The following SLC7A14 variants were observed in gnomAD, a reference collection of about 807,000 sequenced individuals.
SLC7A14 encodes the protein gamma-aminobutyric acid transporter SLC7A14.
Under a neutral mutation model 60.2 loss-of-function variants are expected in SLC7A14, and 37 were observed. That is an observed-to-expected ratio of 0.61 (90% CI 0.47 to 0.81). The LOEUF (loss-of-function observed/expected upper bound fraction) is 0.81, where lower values mean the gene tolerates loss of function less well. Among genes scored for constraint, SLC7A14 ranks in the 30% least tolerant of loss-of-function variants. The pLI, the probability that SLC7A14 is intolerant of heterozygous loss-of-function variation, is 0.00. For synonymous variants in SLC7A14, 399 were observed against 395.8 expected, an observed-to-expected ratio of 1.01 and a Z score of -0.10; for missense variants, 886 against 982.7, an observed-to-expected ratio of 0.90 and a Z score of 1.32.
chr3:170,554,123 A>T (rs1304241762), intron 1 of SLC7A14, among the ~76,000 whole-genome samples: 1 of 152,218 alleles, frequency 6.6e-6, no homozygotes, highest in Non-Finnish European at 1.5e-5. Context: ...AGAGCTAAAA[A>T]AGAAAAAAAA....
At position 170,463,741 on chromosome 3, in the gene SLC7A14, C is replaced by T. The variant is rs572822278; in HGVS notation, c.*3314G>A. 6.6e-6 allele frequency: 1 copy of T among 152,144 alleles called. No homozygotes were observed. 9.4% of individuals were successfully genotyped at this position (152,144 alleles called of 1,614,324 possible). On this transcript the variant is annotated 3_prime_UTR_variant, in exon 8 of 8. Coordinates refer to ENST00000231706, the MANE Select transcript of SLC7A14 (RefSeq NM_020949.3). ...ATCTGACTTACGATATCAATATCTG[C>T]CATAGTACATAATAGGCACTCCACA...
intron 2 of SLC7A14, among the ~76,000 whole-genome samples, chr3:170,526,229 C>T: frequency 6.6e-6 from 1 of 151,862 alleles, no homozygotes; most frequent in East Asian, 1.9e-4. Flanking sequence ...TGGTGAAACC[C>T]CGTCTCTACT....
intron 1 of SLC7A14, among the ~76,000 whole-genome samples, chr3:170,530,399 C>G (rs79209990): frequency 0.11 from 17,435 of 152,086 alleles, 1,206 homozygotes; most frequent in East Asian, 0.18. Context: ...CAACATATCT[C>G]CCTTTACAGA....
At position 170,462,232 on chromosome 3, in the gene SLC7A14, T is replaced by C. The variant is rs1289123370; in HGVS notation, c.*4823A>G. Reference sequence around the variant, plus strand: ...GACGGCAATTTTCTCCAGTCTTCTATGTGGATTTTCAACCTGATGTAGCTT... The same window carrying C: ...GACGGCAATTTTCTCCAGTCTTCTACGTGGATTTTCAACCTGATGTAGCTT... On this transcript the variant is annotated 3_prime_UTR_variant, in exon 8 of 8. Transcript: ENST00000231706. 6.6e-6 allele frequency: 1 copy of C among 152,212 alleles called. No individual in the cohort carries two copies. The highest frequency in any genetic ancestry group is 1.5e-5 in the Non-Finnish European group (1 of 68,036). The allele number at this position is 152,212 out of a possible 1,614,324, so 9.4% of individuals were successfully genotyped here. A position where few individuals can be genotyped will look rare whatever the true frequency, so the allele number is the denominator to read the frequency against.
intron 4 of SLC7A14, chr3:170,496,183 G>A: frequency 1.1e-6 from 1 of 902,734 alleles, no homozygotes; most frequent in Non-Finnish European, 1.9e-6. Flanking sequence ...ATGGACAACA[G>A]CCTCTCCCTG....
At chr3:170,550,501 T>C (rs1193525109) in intron 1 of SLC7A14, among the ~76,000 whole-genome samples, 1 of 141,530 alleles carries the variant, frequency 7.1e-6, no homozygotes, top group Non-Finnish European at 1.5e-5. Flanking sequence ...CCTAATGCCA[T>C]CTTTCCTTGA....
At position 170,585,619 on chromosome 3, in the gene SLC7A14, C is replaced by T. The variant is rs58011623; in HGVS notation, c.-153+292G>A. Among the ~76,000 whole-genome samples, 1,638 of 152,266 alleles carry T rather than the reference C, an allele frequency of 0.011. 98 individuals carry two copies. In the East Asian group the frequency reaches 0.2, roughly 18 times the overall value. ...CGCCGGAGCCGCGCTGGCCCCCGCC[C>T]CGCCCGGCAGCTCCCGCGAGTCAGA... On this transcript the variant is annotated intron_variant, in intron 1 of 7. Coordinates refer to ENST00000231706, the MANE Select transcript of SLC7A14 (RefSeq NM_020949.3). This position sits in a 1 kb window ranked among gnomAD's most constrained non-coding sequence, Gnocchi z 5.1.
intron 1 of SLC7A14, among the ~76,000 whole-genome samples, chr3:170,581,043 G>C (rs1715220958): frequency 6.6e-6 from 1 of 152,170 alleles, no homozygotes; most frequent in African/African-American, 2.4e-5. Context: ...ATGTTAGCCA[G>C]ATGCATAAGG....
chr3:170,482,368 C>A (rs1265146320), intron 6 of SLC7A14, among the ~76,000 whole-genome samples: 2 of 152,228 alleles, frequency 1.3e-5, no homozygotes, highest in South Asian at 2.1e-4. Flanking sequence ...CTAATCACAG[C>A]AGCTCTGATC....
At chr3:170,560,507 C>T (rs1714617511) in intron 1 of SLC7A14, among the ~76,000 whole-genome samples, 1 of 152,104 alleles carries the variant, frequency 6.6e-6, no homozygotes, top group Non-Finnish European at 1.5e-5. Context: ...CCTCATGAGT[C>T]ATCAGAGAGA....
rs779907642 is a variant in SLC7A14 at position 170,498,639 on chromosome 3, G to A, written c.759+28C>T. ...GGGTAGAAGGCAGAGTGTGTGACAGGCACACCAGGTGTTTGGAACAAACTT... is the reference window on the plus strand; with the variant it reads ...GGGTAGAAGGCAGAGTGTGTGACAGACACACCAGGTGTTTGGAACAAACTT... On this transcript the variant is annotated intron_variant, in intron 4 of 7. Coordinates refer to ENST00000231706, the MANE Select transcript of SLC7A14 (RefSeq NM_020949.3). 3 of 1,605,826 alleles carry A rather than the reference G, an allele frequency of 1.9e-6. No homozygotes were observed. The Admixed American group carries it at 5.0e-5, about 27-fold the overall frequency.
chr3:170,559,023 G>A (rs1213740524), intron 1 of SLC7A14, among the ~76,000 whole-genome samples: 2 of 152,048 alleles, frequency 1.3e-5, no homozygotes, highest in Non-Finnish European at 2.9e-5. Flanking sequence ...GGTTGATGTC[G>A]GAATCCAACT....
In SLC7A14 at chr3:170,551,685, T is replaced by C. The variant is rs1021682677; in HGVS notation, c.-152-24597A>G. The stretch of plus-strand genomic sequence containing the variant: ...AGCATCTTTATCGGCCATTTGTACA[T>C]ACCTTTGAAGAAATATCTATTCAAA... On this transcript the variant is annotated intron_variant, in intron 1 of 7. Transcript: ENST00000231706. Among the ~76,000 whole-genome samples, 5 of 152,240 alleles carry C rather than the reference T, an allele frequency of 3.3e-5. No individual in the cohort carries two copies. In the East Asian group the frequency reaches 7.7e-4, roughly 23 times the overall value.
Position 170,459,840 on chromosome 3 carries a change from A to G in SLC7A14, c.*7215T>C, listed in dbSNP as rs984607185. 2.6e-5 allele frequency: 4 copies of G among 152,068 alleles called. No individual in the cohort carries two copies. The highest frequency in any genetic ancestry group is 4.4e-5 in the Non-Finnish European group (3 of 68,002). 9.4% of individuals were successfully genotyped at this position (152,068 alleles called of 1,614,324 possible). A position where few individuals can be genotyped will look rare whatever the true frequency, so the allele number is the denominator to read the frequency against. On this transcript the variant is annotated 3_prime_UTR_variant, in exon 8 of 8. Coordinates refer to ENST00000231706, the MANE Select transcript of SLC7A14 (RefSeq NM_020949.3). ...GTGTAAAAGCTTTACATTACTATGG[A>G]TATTTTATAGTAAGACACTTTTGTT...
intron 1 of SLC7A14, among the ~76,000 whole-genome samples, chr3:170,569,713 T>G (rs889648716): frequency 1.4e-4 from 21 of 152,140 alleles, no homozygotes; most frequent in Middle Eastern, 3.2e-3. Context: ...ATTCAGAGAT[T>G]CAACTTCTTC....
At chr3:170,527,183 A>C (rs138670341) in intron 1 of SLC7A14, 95 bp from the exon 2 acceptor site, 1 of 548,010 alleles carries the variant, frequency 1.8e-6, no homozygotes, top group Non-Finnish European at 3.3e-6. Flanking sequence ...CTGAACTGGT[A>C]GAACTGGTCT....
In SLC7A14 at chr3:170,462,492, T is replaced by A. The variant is rs1739627844; in HGVS notation, c.*4563A>T. 6.6e-6 allele frequency: 1 copy of A among 152,208 alleles called. No homozygotes were observed. Among genetic ancestry groups the A allele is most frequent in the South Asian group, 2.1e-4 (1 of 4,834 alleles). The allele number at this position is 152,208 out of a possible 1,614,324, so 9.4% of individuals were successfully genotyped here. A position where few individuals can be genotyped will look rare whatever the true frequency, so the allele number is the denominator to read the frequency against. ...TAGATTCTGAAGAAGGATGGATTGT[T>A]AAATTCAACAACTCCCTTCCGCCCG... On this transcript the variant is annotated 3_prime_UTR_variant, in exon 8 of 8. Transcript: ENST00000231706.
chr3:170,478,146 C>T (rs368268542), intron 7 of SLC7A14, among the ~76,000 whole-genome samples: 1 of 152,050 alleles, frequency 6.6e-6, no homozygotes, highest in African/African-American at 2.4e-5. Context: ...GGTGTGATCT[C>T]AGCTCACTGC....
intron 4 of SLC7A14, among the ~76,000 whole-genome samples, chr3:170,487,148 G>T (rs1376510119): frequency 7.2e-6 from 1 of 139,074 alleles, no homozygotes; most frequent in Non-Finnish European, 1.5e-5. Context: ...AAAGCTGGGG[G>T]ATGGTATCCG....
Sources: gnomAD v4.1 joint callset for allele counts (sites outside exome capture counted in the v4.1 genomes callset) on GRCh38, gnomAD v4.1.1 for gene constraint, Gnocchi (gnomAD v3.1) non-coding constraint, MANE v1.5 for transcripts, NCBI Gene and HGNC (gene_info 2026-07-23, HGNC 2026-07-21) for gene names.